The following PKD1 variants were observed in gnomAD, a reference collection of about 807,000 sequenced individuals.
PKD1 encodes the protein polycystin 1, transient receptor potential channel interacting, also known as polycystin-1.
In PKD1, 81 loss-of-function variants were observed where a neutral mutation model predicts 361.7. The ratio of observed to expected loss-of-function variants is 0.22; its 90% CI spans 0.19 to 0.27. The LOEUF (loss-of-function observed/expected upper bound fraction) is 0.27. PKD1 is among the 10% of genes least tolerant of loss of function. The pLI, the probability that PKD1 is intolerant of heterozygous loss-of-function variation, is 1.00. For synonymous variants in PKD1, 3,615 were observed against 2,818.3 expected (o/e 1.28, Z -8.95); for missense variants, 6,399 against 6,118.3 (o/e 1.05, Z -1.53).
At chr16:2,122,509 G>A (rs907978199) in intron 1 of PKD1, among the ~76,000 whole-genome samples, 11 of 152,210 alleles carry the variant, frequency 7.2e-5, no homozygotes, top group African/African-American at 2.2e-4. Flanking sequence ...ATAAGGATGG[G>A]TGGGCCCACA....
At position 2,100,312 on chromosome 16, in the gene PKD1, G is replaced by A. The variant is rs1280816183; in HGVS notation, c.9569-3C>T. ...CAGGAACCAGGCAGGGCTGAGCCCT[G>A]CAGAGGCGCAGGAGGGAGGTCAGGC... On this transcript the variant is annotated splice_region_variant and splice_polypyrimidine_tract_variant and intron_variant, in intron 27 of 45. Coordinates refer to ENST00000262304, the MANE Select transcript of PKD1 (RefSeq NM_001009944.3). The surrounding 1 kb of genome is among the most constrained non-coding windows in gnomAD (Gnocchi z 4.4). 1.2e-6 allele frequency: 2 copies of A among 1,610,394 alleles called. No homozygotes were observed. The highest frequency in any genetic ancestry group is 3.3e-5 in the Admixed American group (2 of 60,024).
chr16:2,093,013 G>A lies in PKD1; in HGVS notation c.11097C>T (p.Tyr3699=), dbSNP rs778200179. 4 of 1,612,994 alleles carry A rather than the reference G, an allele frequency of 2.5e-6. No homozygotes were observed. The highest frequency in any genetic ancestry group is 1.7e-5 in the Admixed American group (1 of 60,028). The change falls in exon 38 of 46, where the codon TAC becomes TAT. Residue 3699 remains tyrosine, a synonymous_variant. Coordinates refer to ENST00000262304, the MANE Select transcript of PKD1 (RefSeq NM_001009944.3). ...CCTGCTTGATGGCGCTTTGCAGACG[G>A]TAGGCGTGCCCATGGCATGAGGCAT... ...YGDASCHGHA[Y]RLQSAIKQEL...
At chr16:2,092,446 G>A (rs530595186) in intron 39 of PKD1, 34 bp downstream of exon 39, 6 of 1,400,654 alleles carry the variant, frequency 4.3e-6, no homozygotes, top group African/African-American at 1.4e-5. Flanking sequence ...CAAGAGGAAC[G>A]ATTTAAGTCT....
At position 2,112,869 on chromosome 16, in the gene PKD1, A is replaced by G; in HGVS notation, c.3080T>C (p.Val1027Ala). Residue 1027 changes from valine (V) to alanine (A), a missense_variant, in exon 13 of 46, where the codon GTG becomes GCG. Val to Ala is a moderately conservative substitution (Grantham distance 64). Coordinates refer to ENST00000262304, the MANE Select transcript of PKD1 (RefSeq NM_001009944.3). Reference sequence around the variant, plus strand: ...GGCATTGGGGGACAGCACGGCCGGCACTGTGGAGACCTGCAGACCCTGCAT... The same window carrying G: ...GGCATTGGGGGACAGCACGGCCGGCGCTGTGGAGACCTGCAGACCCTGCAT... ...NRMQGLQVST[V>A]PAVLSPNATL... 2.5e-6 allele frequency: 4 copies of G among 1,606,730 alleles called. No individual in the cohort carries two copies. The highest frequency in any genetic ancestry group is 3.4e-6 in the Non-Finnish European group (4 of 1,179,704).
rs573141367 is a variant in PKD1, at chr16:2,112,946, G to A, written c.3003C>T (p.His1001=). Residue 1001 remains histidine, a synonymous_variant, in exon 13 of 46, where the codon CAC becomes CAT. Transcript: ENST00000262304. Reference sequence around the variant, plus strand: ...TGTAGTTCACGGTGACGTTGCTCACGTGGTTGGAGGCCGTCAGCTGCAGGG... The same window carrying A: ...TGTAGTTCACGGTGACGTTGCTCACATGGTTGGAGGCCGTCAGCTGCAGGG... ...VFKLSLTASN[H]VSNVTVNYNV... is the part of the protein sequence containing the mutation. The A allele has an allele frequency of 4.7e-5, 75 of 1,601,332 alleles. No homozygotes were observed. The East Asian group carries it at 8.7e-4, about 19-fold the overall frequency.
chr16:2,108,191 C>T lies in PKD1; in HGVS notation c.6915+61G>A, dbSNP rs1471647959. 1.2e-5 allele frequency: 19 copies of T among 1,527,164 alleles called. No individual in the cohort carries two copies. In the Admixed American group the frequency reaches 1.4e-4, roughly 11 times the overall value. 94.6% of individuals were successfully genotyped at this position (1,527,164 alleles called of 1,614,324 possible). A position where few individuals can be genotyped will look rare whatever the true frequency, so the allele number is the denominator to read the frequency against. On this transcript the variant is annotated intron_variant, in intron 15 of 45. Coordinates refer to ENST00000262304, the MANE Select transcript of PKD1 (RefSeq NM_001009944.3). ...CAGCCCTGGTGGCAAGCTGGGTGTT[C>T]TCTGGGCTCATGGGTGTGGACGGGT...
rs1596587993 is a variant in PKD1, at chr16:2,117,469, C to T, written c.1385+20G>A. ...AGAGATCTCCCAACCTATGGCCCCT[C>T]GGGGGGTGGGGGCAGGCACCTGGTG... On this transcript the variant is annotated intron_variant, in intron 6 of 45. Transcript: ENST00000262304. 3.5e-6 allele frequency: 5 copies of T among 1,436,422 alleles called. No individual in the cohort carries two copies. The highest frequency in any genetic ancestry group is 1.3e-5 in the South Asian group (1 of 79,926). 89.0% of individuals were successfully genotyped at this position (1,436,422 alleles called of 1,614,324 possible).
Position 2,089,357 on chromosome 16 carries a change from G to A in PKD1, c.*370C>T, listed in dbSNP as rs187331220. ...GAGGTAATAACTTAGGGGCAGGGTG[G>A]CGGCGGTGCAGGCTAACCCTCCCTG... On this transcript the variant is annotated 3_prime_UTR_variant, in exon 46 of 46. Coordinates refer to ENST00000262304, the MANE Select transcript of PKD1 (RefSeq NM_001009944.3). 166 of 354,590 alleles carry A rather than the reference G, an allele frequency of 4.7e-4. No homozygotes were observed. Among genetic ancestry groups the A allele is most frequent in the African/African-American group, 3.2e-3 (157 of 48,434 alleles). The allele number at this position is 354,590 out of a possible 1,614,324, so 22.0% of individuals were successfully genotyped here. A position where few individuals can be genotyped will look rare whatever the true frequency, so the allele number is the denominator to read the frequency against.
At chr16:2,121,257 C>T (rs1248718014) in intron 1 of PKD1, among the ~76,000 whole-genome samples, 1 of 151,808 alleles carries the variant, frequency 6.6e-6, no homozygotes, top group African/African-American at 2.4e-5. Context: ...TCCAGCTACT[C>T]AGGAGGCTTA....
rs1349916940 is a variant in PKD1 at position 2,110,011 on chromosome 16, C to A, written c.5156G>T (p.Gly1719Val). The A allele has an allele frequency of 1.9e-6, 3 of 1,610,280 alleles. No individual in the cohort carries two copies. In the South Asian group the frequency reaches 3.3e-5, roughly 18 times the overall value. ...DCTMDFVEPV[G>V]WLMVAASPNP... ...CGGGGAGGCGGCCACCATCAGCCACCCCACAGGCTCCACGAAGTCCATGGT... is the reference window on the plus strand; with the variant it reads ...CGGGGAGGCGGCCACCATCAGCCACACCACAGGCTCCACGAAGTCCATGGT... Residue 1719 changes from glycine (G) to valine (V), a missense_variant, in exon 15 of 46, where the codon GGG (glycine) becomes GTG (valine). Gly to Val is a moderately radical substitution (Grantham distance 109, BLOSUM62 -3). Transcript: ENST00000262304.
chr16:2,112,408 G>A lies in PKD1; in HGVS notation c.3227C>T (p.Pro1076Leu), dbSNP rs774610211. 44 of 1,585,756 alleles carry A rather than the reference G, an allele frequency of 2.8e-5. No individual in the cohort carries two copies. The highest frequency in any genetic ancestry group is 5.5e-5 in the South Asian group (5 of 90,114). The part of the protein sequence containing the change: ...QFQPPYNESF[P>L]VPDPSVAQVL... The stretch of plus-strand genomic sequence containing the variant: ...CTGGGCCACCGAGGGGTCTGGAACC[G>A]GGAAGGACTCGTTGTACGGAGGCTG... The change falls in exon 14 of 46, where the codon CCG becomes CTG. Residue 1076 changes from proline (P) to leucine (L), a missense_variant. Transcript: ENST00000262304.
In PKD1 at chr16:2,110,560, C is replaced by A. The variant is rs756309951; in HGVS notation, c.4607G>T (p.Ser1536Ile). 1 of 1,611,148 alleles carries A rather than the reference C, an allele frequency of 6.2e-7. No homozygotes were observed. Among genetic ancestry groups the A allele is most frequent in the Admixed American group, 1.7e-5 (1 of 59,978 alleles). ...CACCGTCACATTGAGCCAGGCCTCGCTGCGGCTCACCTCATTCCAGCCGGC... is the reference window on the plus strand; with the variant it reads ...CACCGTCACATTGAGCCAGGCCTCGATGCGGCTCACCTCATTCCAGCCGGC... ...RVAGWNEVSRSEAWLNVTVKR... is the reference protein window; with the variant it reads ...RVAGWNEVSRIEAWLNVTVKR... The change falls in exon 15 of 46, where the codon AGC (serine) becomes ATC (isoleucine). Residue 1536 changes from serine to isoleucine, a missense_variant. By Grantham distance (142) the Ser-to-Ile change is moderately radical. Transcript: ENST00000262304.
At chr16:2,096,016 G>C (rs559105839) in intron 34 of PKD1, among the ~76,000 whole-genome samples, 10 of 152,106 alleles carry the variant, frequency 6.6e-5, no homozygotes, top group African/African-American at 2.4e-4. Flanking sequence ...TTGAGTCCAG[G>C]GGCAGTTCAT....
At position 2,103,553 on chromosome 16, in the gene PKD1, G is replaced by T. The variant is rs2575317; in HGVS notation, c.8504C>A (p.Pro2835His). ...LIFLVDSNPF[P>H]FGYISNYTVS... ...GGTGTAGTTGCTGATATAGCCAAAG[G>T]GAAAGGGATTGGAGTCCACCAGAAA... The change falls in exon 23 of 46, where the codon CCC (proline) becomes CAC (histidine). Residue 2835 changes from proline (P) to histidine (H), a missense_variant. Physicochemically the swap from Pro to His is moderately conservative, Grantham distance 77. Transcript: ENST00000262304. The T allele has an allele frequency of 6.2e-7, 1 of 1,609,590 alleles. No individual in the cohort carries two copies. The highest frequency in any genetic ancestry group is 2.2e-5 in the East Asian group (1 of 44,876).
rs1382476460 is a variant in PKD1 at position 2,100,364 on chromosome 16, G to A, written c.9568+32C>T. 1.9e-6 allele frequency: 3 copies of A among 1,610,258 alleles called. No individual in the cohort carries two copies. The highest frequency in any genetic ancestry group is 1.3e-5 in the African/African-American group (1 of 74,808). On this transcript the variant is annotated intron_variant, in intron 27 of 45. Coordinates refer to ENST00000262304, the MANE Select transcript of PKD1 (RefSeq NM_001009944.3). The surrounding 1 kb of genome is among the most constrained non-coding windows in gnomAD (Gnocchi z 4.4). ...CGCAGGGCGCCCCAATGCGGGGGCA[G>A]AGGGGCAGAGCTTGGCAGGGTCCGC...
chr16:2,098,796 T>C (rs2091961640), intron 30 of PKD1: 2 of 142,166 alleles, frequency 1.4e-5, no homozygotes, highest in African/African-American at 5.7e-5. Flanking sequence ...AATTCTATCG[T>C]GAAGGCTCTG....
At position 2,100,252 on chromosome 16, in the gene PKD1, C is replaced by T. The variant is rs1063405; in HGVS notation, c.9626G>A (p.Arg3209His). The T allele has an allele frequency of 1.5e-5, 24 of 1,610,464 alleles. No individual in the cohort carries two copies. The highest frequency in any genetic ancestry group is 1.3e-4 in the East Asian group (6 of 44,882). ...HVIVRDLQTA[R>H]SAFFLVNDWL... The stretch of plus-strand genomic sequence containing the variant: ...GTCATTGACCAGGAAGAAGGCGCTG[C>T]GTGCCGTCTGCAGGTCCCTGACGAT... Residue 3209 changes from arginine to histidine, a missense_variant, in exon 28 of 46, where the codon CGC becomes CAC. By Grantham distance (29) the Arg-to-His change is conservative (BLOSUM62 0). Coordinates refer to ENST00000262304, the MANE Select transcript of PKD1 (RefSeq NM_001009944.3). This position sits in a 1 kb window ranked among gnomAD's most constrained non-coding sequence, Gnocchi z 4.4.
rs550230113 is a variant in PKD1 at position 2,111,572 on chromosome 16, C to A, written c.3595G>T (p.Gly1199Cys). ...CGCACATCCGCCTGGGCCGCCGCAC[C>A]GCTCACCGTGTTGTTGACCTCCAGG... is the stretch of plus-strand genomic sequence containing the variant. ...VRLEVNNTVSGAAAQADVRVF... is the reference protein window; with the variant it reads ...VRLEVNNTVSCAAAQADVRVF... The change falls in exon 15 of 46, where the codon GGT becomes TGT. Residue 1199 changes from glycine (G) to cysteine (C), a missense_variant. Transcript: ENST00000262304. 1.3e-6 allele frequency: 2 copies of A among 1,577,620 alleles called. No individual in the cohort carries two copies. Among genetic ancestry groups the A allele is most frequent in the Non-Finnish European group, 1.7e-6 (2 of 1,162,792 alleles).
At chr16:2,098,165 T>C (rs565170471) in intron 30 of PKD1, 181 bp from the exon 31 acceptor site, 1 of 605,496 alleles carries the variant, frequency 1.7e-6, no homozygotes, top group Admixed American at 2.8e-5. Flanking sequence ...CGTGTGCCAC[T>C]GAACACTTGA....
Sources: allele counts gnomAD v4.1 joint callset (sites outside exome capture counted in the v4.1 genomes callset), GRCh38; gene constraint gnomAD v4.1.1; non-coding constraint Gnocchi (gnomAD v3.1); transcripts MANE v1.5; gene names NCBI Gene and HGNC (gene_info 2026-07-23, HGNC 2026-07-21).